The following IRS2 variants were observed in gnomAD, a reference collection of about 807,000 sequenced individuals.
IRS2 encodes the protein insulin receptor substrate 2.
In IRS2, 28 loss-of-function variants were observed where a neutral mutation model predicts 70.9. The ratio of observed to expected loss-of-function variants is 0.39; its 90% confidence interval spans 0.29 to 0.54. The LOEUF (loss-of-function observed/expected upper bound fraction) is 0.54, where lower values mean the gene tolerates loss of function less well. IRS2 is among the 20% of genes least tolerant of loss of function. IRS2 has a pLI of 0.59. For missense variants in IRS2, 2,081 were observed against 2,024.1 expected (o/e 1.03, Z -0.54); for synonymous variants, 1,217 against 981.9 (o/e 1.24, Z -4.48).
At chr13:109,774,584 C>T (rs1229764916) in intron 1 of IRS2, among the ~76,000 whole-genome samples, 1 of 150,584 alleles carries the variant, frequency 6.6e-6, no homozygotes, top group African/African-American at 2.5e-5. Flanking sequence ...ATGAGCTTCC[C>T]AAGCAGACAA....
chr13:109,784,390 G>C lies in IRS2; in HGVS notation c.1664C>G (p.Ser555Cys). The C allele has an allele frequency of 6.2e-7, 1 of 1,610,574 alleles. No individual in the cohort carries two copies. The highest frequency in any genetic ancestry group is 8.5e-7 in the Non-Finnish European group (1 of 1,179,370). ...MDRPLSHCGR[S>C]YRRVSGDAAQ... is the part of the protein sequence containing the mutation. ...CGCGTCCCCCGAGACCCGGCGGTAG[G>C]AGCGGCCACAGTGGCTCAGGGGCCT... The change falls in exon 1 of 2, where the codon TCC becomes TGC. Residue 555 changes from serine (S) to cysteine (C), a missense_variant. Coordinates refer to ENST00000375856, the MANE Select transcript of IRS2 (RefSeq NM_003749.3). The surrounding 1 kb of genome is among the most constrained non-coding windows in gnomAD (Gnocchi z 5.2).
chr13:109,784,175 G>A lies in IRS2; in HGVS notation c.1879C>T (p.Pro627Ser), dbSNP rs1463713351. The A allele has an allele frequency of 3.2e-6, 5 of 1,581,370 alleles. No individual in the cohort carries two copies. Among genetic ancestry groups the A allele is most frequent in the Admixed American group, 1.7e-5 (1 of 58,148 alleles). ...ATGTCTCCGTAGTCCTCTGGGTAGG[G>A]GTGGTAGGCCACCTTGGGAGAGGAC... is the stretch of plus-strand genomic sequence containing the variant. ...PASSPKVAYHPYPEDYGDIEI... is the reference protein window; with the variant it reads ...PASSPKVAYHSYPEDYGDIEI... Residue 627 changes from proline (P) to serine (S), a missense_variant, in exon 1 of 2, where the codon CCC (proline) becomes TCC (serine). Pro to Ser is a moderately conservative substitution (Grantham distance 74). This residue lies in a region of IRS2 where 1,615 missense variants were observed against 1,459.5 expected (regional missense o/e 1.11). Coordinates refer to ENST00000375856, the MANE Select transcript of IRS2 (RefSeq NM_003749.3). This position sits in a 1 kb window ranked among gnomAD's most constrained non-coding sequence, Gnocchi z 5.2.
chr13:109,756,141 G>T lies in IRS2; in HGVS notation c.*163C>A. 1 of 651,730 alleles carries T rather than the reference G, an allele frequency of 1.5e-6. No homozygotes were observed. The allele number at this position is 651,730 out of a possible 1,614,324, so 40.4% of individuals were successfully genotyped here. ...GGAAAGAGGCAGGTGACCTTGCCTT[G>T]TTGGTGCCTCATCTAACAGAGTCCA... is the stretch of plus-strand genomic sequence containing the variant. On this transcript the variant is annotated 3_prime_UTR_variant, in exon 2 of 2. Transcript: ENST00000375856.
At chr13:109,781,323 G>A (rs564093983) in intron 1 of IRS2, among the ~76,000 whole-genome samples, 2 of 152,274 alleles carry the variant, frequency 1.3e-5, no homozygotes, top group African/African-American at 4.8e-5. Context: ...AAACTGCGGG[G>A]TTAACACAGG....
In IRS2 at chr13:109,783,662, C is replaced by T. The variant is rs767024195; in HGVS notation, c.2392G>A (p.Val798Ile). Reference protein sequence around the residue: ...LHPGGEPLRGVPGCCYSSLPR... With the variant: ...LHPGGEPLRGIPGCCYSSLPR... ...AAGGAGCTGTAGCAGCAGCCGGGAA[C>T]GCCCCTGAGCGGCTCCCCGCCGGGG... Residue 798 changes from valine to isoleucine, a missense_variant, in exon 1 of 2, where the codon GTT becomes ATT. By Grantham distance (29) the Val-to-Ile change is conservative. Coordinates refer to ENST00000375856, the MANE Select transcript of IRS2 (RefSeq NM_003749.3). 1 of 1,555,858 alleles carries T rather than the reference C, an allele frequency of 6.4e-7. No homozygotes were observed. Among genetic ancestry groups the T allele is most frequent in the Non-Finnish European group, 8.7e-7 (1 of 1,149,678 alleles).
Position 109,780,742 on chromosome 13 carries a change from G to A in IRS2, c.4012+1300C>T, listed in dbSNP as rs140729229. Among the ~76,000 whole-genome samples the A allele has an allele frequency of 7.2e-5, 11 of 152,262 alleles. No individual in the cohort carries two copies. The East Asian group carries it at 2.1e-3, about 29-fold the overall frequency. ...ACACCTTAGGCTCACATCTAATCCA[G>A]CATCCAAATTTTACTATATGTTTCA... On this transcript the variant is annotated intron_variant, in intron 1 of 1. Coordinates refer to ENST00000375856, the MANE Select transcript of IRS2 (RefSeq NM_003749.3).
chr13:109,784,532 C>A lies in IRS2; in HGVS notation c.1522G>T (p.Gly508Cys). The change falls in exon 1 of 2, where the codon GGC becomes TGC. Residue 508 changes from glycine to cysteine, a missense_variant. Gly to Cys is a radical substitution (Grantham distance 159). This residue lies in a region of IRS2 where 1,615 missense variants were observed against 1,459.5 expected (regional missense o/e 1.11). Coordinates refer to ENST00000375856, the MANE Select transcript of IRS2 (RefSeq NM_003749.3). The surrounding 1 kb of genome is among the most constrained non-coding windows in gnomAD (Gnocchi z 5.2). ...TGGCTGCAGAAGGCGCGCAGGTCGC[C>A]TGGGCTGGAGCCGTACTCGTCCAGG... ...MSLDEYGSSPGDLRAFCSHRS... is the reference protein window; with the variant it reads ...MSLDEYGSSPCDLRAFCSHRS... 1 of 1,521,254 alleles carries A rather than the reference C, an allele frequency of 6.6e-7. No homozygotes were observed. Among genetic ancestry groups the A allele is most frequent in the Non-Finnish European group, 8.8e-7 (1 of 1,137,574 alleles). The allele number at this position is 1,521,254 out of a possible 1,614,324, so 94.2% of individuals were successfully genotyped here.
rs1877067158 is a variant in IRS2 at position 109,754,820 on chromosome 13, A to G, written c.*1484T>C. On this transcript the variant is annotated 3_prime_UTR_variant, in exon 2 of 2. Transcript: ENST00000375856. ...CATTATTCTATAGCGATAGATATCT[A>G]TTATATATTTATATATATTTTTCTA... is the stretch of plus-strand genomic sequence containing the variant. The G allele has an allele frequency of 1.6e-5, 3 of 191,842 alleles. No homozygotes were observed. In the South Asian group the frequency reaches 5.8e-4, roughly 37 times the overall value. The allele number at this position is 191,842 out of a possible 1,614,324, so 11.9% of individuals were successfully genotyped here.
At chr13:109,772,721 C>G (rs1177736579) in intron 1 of IRS2, among the ~76,000 whole-genome samples, 2 of 147,650 alleles carry the variant, frequency 1.4e-5, no homozygotes, top group African/African-American at 5.0e-5. Flanking sequence ...CGGAGTCTCG[C>G]TCTGTCGGCC....
At chr13:109,770,823 T>C (rs1351378722) in intron 1 of IRS2, among the ~76,000 whole-genome samples, 2 of 152,208 alleles carry the variant, frequency 1.3e-5, no homozygotes, top group Non-Finnish European at 2.9e-5. Flanking sequence ...AATACATTGA[T>C]TGGCTTAAAA....
chr13:109,763,421 C>CAGCG (rs1877269169), intron 1 of IRS2, among the ~76,000 whole-genome samples: 1 of 152,076 alleles, frequency 6.6e-6, no homozygotes, highest in Non-Finnish European at 1.5e-5. Context: ...CTCTTAGCTA[C>CAGCG]CGCTATTCTA....
intron 1 of IRS2, among the ~76,000 whole-genome samples, chr13:109,773,759 G>T (rs1261194951): frequency 6.6e-6 from 1 of 152,154 alleles, no homozygotes; most frequent in Non-Finnish European, 1.5e-5. Flanking sequence ...GTTTCTTTTA[G>T]TCTATGGATG....
At chr13:109,767,226 G>A (rs987508648) in intron 1 of IRS2, among the ~76,000 whole-genome samples, 2 of 152,102 alleles carry the variant, frequency 1.3e-5, no homozygotes, top group Non-Finnish European at 2.9e-5. Context: ...AGGGACAGAG[G>A]CCAGAGGCTG....
chr13:109,759,725 G>C (rs2138911169), intron 1 of IRS2, among the ~76,000 whole-genome samples: 1 of 152,162 alleles, frequency 6.6e-6, no homozygotes, highest in African/African-American at 2.4e-5. Context: ...CCAGGCATAG[G>C]GCTAAATGAT....
intron 1 of IRS2, among the ~76,000 whole-genome samples, chr13:109,760,647 T>A (rs1319028254): frequency 6.6e-6 from 1 of 152,200 alleles, no homozygotes; most frequent in Non-Finnish European, 1.5e-5. Flanking sequence ...CATAATGCCC[T>A]GCAGATGGGC....
At chr13:109,779,404 A>G (rs900401600) in intron 1 of IRS2, among the ~76,000 whole-genome samples, 1 of 152,238 alleles carries the variant, frequency 6.6e-6, no homozygotes, top group African/African-American at 2.4e-5. Flanking sequence ...TCGGCCTTCT[A>G]CAAATCATTT....
rs893603851 is a variant in IRS2, at chr13:109,784,915, G to T, written c.1139C>A (p.Ala380Asp). The stretch of plus-strand genomic sequence containing the variant: ...GCTCCCAGCCACCGACACCGGCCTG[G>T]CGCCCGCGGCCGCCGCTCCCGCCGC... ...GAAAGAAAAGARPVSVAGSPL... is the reference protein window; with the variant it reads ...GAAAGAAAAGDRPVSVAGSPL... The change falls in exon 1 of 2, where the codon GCC becomes GAC. Residue 380 changes from alanine to aspartate, a missense_variant. This residue lies in a region of IRS2 where 1,615 missense variants were observed against 1,459.5 expected (regional missense o/e 1.11). Coordinates refer to ENST00000375856, the MANE Select transcript of IRS2 (RefSeq NM_003749.3). This position sits in a 1 kb window ranked among gnomAD's most constrained non-coding sequence, Gnocchi z 5.2. 5 of 1,046,766 alleles carry T rather than the reference G, an allele frequency of 4.8e-6. No individual in the cohort carries two copies. The African/African-American group carries it at 8.6e-5, about 18-fold the overall frequency. 64.8% of individuals were successfully genotyped at this position (1,046,766 alleles called of 1,614,324 possible). A position where few individuals can be genotyped will look rare whatever the true frequency, so the allele number is the denominator to read the frequency against.
intron 1 of IRS2, among the ~76,000 whole-genome samples, chr13:109,758,086 C>T (rs1044109643): frequency 4.6e-5 from 7 of 152,342 alleles, no homozygotes; most frequent in Non-Finnish European, 1.0e-4. Context: ...AAGGAAAGAT[C>T]TGTCTTTGAG....
Position 109,770,558 on chromosome 13 carries a change from C to T in IRS2, c.4012+11484G>A, listed in dbSNP as rs574205310. Among the ~76,000 whole-genome samples the T allele has an allele frequency of 4.5e-4, 68 of 152,324 alleles. 1 individual carries two copies. Among genetic ancestry groups the T allele is most frequent in the Admixed American group, 1.6e-3 (25 of 15,304 alleles). On this transcript the variant is annotated intron_variant, in intron 1 of 1. Coordinates refer to ENST00000375856, the MANE Select transcript of IRS2 (RefSeq NM_003749.3). Reference sequence around the variant, plus strand: ...GTCCCAGCTGTGAATGGGACCAGTACTGTGAATGTTCCAGCAAGGATATCC... The same window carrying T: ...GTCCCAGCTGTGAATGGGACCAGTATTGTGAATGTTCCAGCAAGGATATCC...
Sources: allele counts gnomAD v4.1 joint callset (sites outside exome capture counted in the v4.1 genomes callset), GRCh38; gene constraint gnomAD v4.1.1; regional missense constraint gnomAD v4.1.1; non-coding constraint Gnocchi (gnomAD v3.1); transcripts MANE v1.5; gene names NCBI Gene and HGNC (gene_info 2026-07-23, HGNC 2026-07-21).